CADPS: variants seen among roughly 807,000 people sequenced by gnomAD.
The protein encoded by CADPS is calcium-dependent secretion activator 1.
Under a neutral mutation model 167.3 loss-of-function variants are expected in CADPS, and 57 were observed. That is an observed-to-expected ratio of 0.34 (90% CI 0.28 to 0.42). CADPS has a LOEUF of 0.42. Ranked by LOEUF, CADPS falls within the 20% of genes least tolerant of loss-of-function variation. The pLI is 1.00. For missense variants in CADPS, 1,414 were observed against 1,738.1 expected, an observed-to-expected ratio of 0.81 and a Z score of 3.32; for synonymous variants, 676 against 635.3, an observed-to-expected ratio of 1.06 and a Z score of -0.96.
intron 22 of CADPS, 103 bp downstream of exon 22, chr3:62,481,620 C>T: frequency 9.7e-7 from 1 of 1,027,984 alleles, no homozygotes; most frequent in Non-Finnish European, 1.4e-6. Context: ...GTCTAATTAT[C>T]CATCTCCATC....
In CADPS at chr3:62,474,153, A is replaced by G; in HGVS notation, c.3477+20T>C. 1 of 735,996 alleles carries G rather than the reference A, an allele frequency of 1.4e-6. No homozygotes were observed. Among genetic ancestry groups the G allele is most frequent in the Non-Finnish European group, 1.8e-6 (1 of 549,888 alleles). 45.6% of individuals were successfully genotyped at this position (735,996 alleles called of 1,614,324 possible). On this transcript the variant is annotated intron_variant, in intron 24 of 29. Coordinates refer to ENST00000383710, the MANE Select transcript of CADPS (RefSeq NM_003716.4). Reference sequence around the variant, plus strand: ...AATGAAGAGGGAAAAAAAAATCTGTATTTTTTTTTTTTTTTTTACCTCTTG... The same window carrying G: ...AATGAAGAGGGAAAAAAAAATCTGTGTTTTTTTTTTTTTTTTTACCTCTTG...
At chr3:62,836,217 A>C (rs1479944531) in intron 1 of CADPS, among the ~76,000 whole-genome samples, 1 of 152,238 alleles carries the variant, frequency 6.6e-6, no homozygotes, top group Non-Finnish European at 1.5e-5. Context: ...AAGAGAAATA[A>C]GGCATCTCTC....
At chr3:62,801,517 G>A (rs1490929069) in intron 1 of CADPS, among the ~76,000 whole-genome samples, 1 of 152,068 alleles carries the variant, frequency 6.6e-6, no homozygotes, top group Non-Finnish European at 1.5e-5. Context: ...TTTTATTCAG[G>A]AAAAATATGT....
At chr3:62,422,418 C>T (rs1229195407) in intron 28 of CADPS, among the ~76,000 whole-genome samples, 3 of 152,182 alleles carry the variant, frequency 2.0e-5, no homozygotes, top group Admixed American at 6.5e-5. Flanking sequence ...GACGATCTAT[C>T]GGGAAAGCTC....
intron 26 of CADPS, among the ~76,000 whole-genome samples, chr3:62,450,234 C>T (rs763637186): frequency 5.3e-5 from 8 of 152,224 alleles, no homozygotes; most frequent in Non-Finnish European, 1.2e-4. Flanking sequence ...GCACTGAGAA[C>T]TCACCCTCTA....
intron 28 of CADPS, among the ~76,000 whole-genome samples, chr3:62,406,435 T>C (rs1403238088): frequency 2.0e-5 from 3 of 152,204 alleles, no homozygotes; most frequent in East Asian, 1.9e-4. Context: ...TAATAAAATA[T>C]TTTAAGTGCT....
At chr3:62,474,382 A>G (rs1304019039) in intron 23 of CADPS, 62 bp from the exon 24 acceptor site, 1 of 1,510,540 alleles carries the variant, frequency 6.6e-7, no homozygotes, top group Non-Finnish European at 9.1e-7. Context: ...TGGAGGAGAT[A>G]TTTTCTGAGA....
intron 3 of CADPS, among the ~76,000 whole-genome samples, chr3:62,700,608 A>C (rs1000947779): frequency 8.9e-4 from 136 of 152,238 alleles, no homozygotes; most frequent in African/African-American, 3.1e-3. Flanking sequence ...TGAGAACTCT[A>C]GAGCTGACAC....
chr3:62,762,980 G>A (rs144566988), intron 2 of CADPS, among the ~76,000 whole-genome samples: 5 of 152,224 alleles, frequency 3.3e-5, no homozygotes, highest in African/African-American at 1.2e-4. Flanking sequence ...GTGAAAGAGA[G>A]GGAATTTGGA....
At chr3:62,489,696 G>A (rs2063398383) in intron 21 of CADPS, among the ~76,000 whole-genome samples, 1 of 152,134 alleles carries the variant, frequency 6.6e-6, no homozygotes, top group African/African-American at 2.4e-5. Flanking sequence ...ATGTGTGTTG[G>A]TAGTAGTAGT....
At position 62,445,698 on chromosome 3, in the gene CADPS, C is replaced by T. The variant is rs185526926; in HGVS notation, c.3669+67G>A. The T allele has an allele frequency of 1.4e-3, 1,336 of 970,550 alleles. 1 individual carries two copies. The highest frequency in any genetic ancestry group is 2.7e-3 in the Admixed American group (64 of 23,322). The allele number at this position is 970,550 out of a possible 1,614,324, so 60.1% of individuals were successfully genotyped here. On this transcript the variant is annotated intron_variant, in intron 27 of 29. Coordinates refer to ENST00000383710, the MANE Select transcript of CADPS (RefSeq NM_003716.4). ...AGCACTATCAAAATTCTCATGAAAA[C>T]AAAAAGTAAAAATGAAAAAAAAAAA...
chr3:62,541,830 T>G (rs889022785), intron 11 of CADPS, among the ~76,000 whole-genome samples: 5 of 152,166 alleles, frequency 3.3e-5, no homozygotes, highest in Non-Finnish European at 7.3e-5. Flanking sequence ...CATATACTAT[T>G]TTTCATGATC....
At chr3:62,474,438 C>T (rs2061011560) in intron 23 of CADPS, 118 bp from the exon 24 acceptor site, 1 of 893,224 alleles carries the variant, frequency 1.1e-6, no homozygotes, top group Non-Finnish European at 1.8e-6. Flanking sequence ...TTTCAGTCAA[C>T]AATGACTTCA....
rs113214274 is a variant in CADPS at position 62,688,512 on chromosome 3, G to A, written c.889-26118C>T. Reference sequence around the variant, plus strand: ...GCCTACTATGTGCCACTGCAAACAGGAAGGTGGAGGAAGACTCAGGCTTTA... The same window carrying A: ...GCCTACTATGTGCCACTGCAAACAGAAAGGTGGAGGAAGACTCAGGCTTTA... On this transcript the variant is annotated intron_variant, in intron 3 of 29. Transcript: ENST00000383710. Among the ~76,000 whole-genome samples, 211 of 152,186 alleles carry A rather than the reference G, an allele frequency of 1.4e-3. 2 individuals are homozygous for A. The highest frequency in any genetic ancestry group is 4.3e-3 in the African/African-American group (177 of 41,516).
chr3:62,598,759 T>A (rs979863484), intron 6 of CADPS, among the ~76,000 whole-genome samples: 12 of 152,314 alleles, frequency 7.9e-5, no homozygotes, highest in African/African-American at 2.9e-4. Context: ...AAACTCCTAA[T>A]CAGGCCACCA....
chr3:62,733,104 G>A (rs1008871525), intron 3 of CADPS, among the ~76,000 whole-genome samples: 2 of 152,174 alleles, frequency 1.3e-5, no homozygotes, highest in Non-Finnish European at 2.9e-5. Context: ...CAAAGATTAA[G>A]CATACTTCCA....
chr3:62,828,541 C>A (rs567856382), intron 1 of CADPS, among the ~76,000 whole-genome samples: 3 of 152,212 alleles, frequency 2.0e-5, no homozygotes, highest in Admixed American at 2.0e-4. Context: ...CAAACAAACA[C>A]AGAAGAGCCT....
chr3:62,549,593 AC>A (rs2077014427), intron 11 of CADPS, among the ~76,000 whole-genome samples: 2 of 152,048 alleles, frequency 1.3e-5, no homozygotes, highest in African/African-American at 2.4e-5. Flanking sequence ...TACATAATCT[AC>A]TATATTTGAA....
At chr3:62,483,566 C>T (rs998908782) in intron 21 of CADPS, among the ~76,000 whole-genome samples, 1 of 152,136 alleles carries the variant, frequency 6.6e-6, no homozygotes, top group Non-Finnish European at 1.5e-5. Context: ...ACAGGTGTCT[C>T]ATAAATTTGT....
Sources: allele counts gnomAD v4.1 joint callset (sites outside exome capture counted in the v4.1 genomes callset), GRCh38; gene constraint gnomAD v4.1.1; transcripts MANE v1.5; gene names NCBI Gene and HGNC (gene_info 2026-07-23, HGNC 2026-07-21).